Variants in SMARCB1 observed in about 807,000 individuals in gnomAD.
The protein encoded by SMARCB1 is SWI/SNF-related matrix-associated actin-dependent regulator of chromatin subfamily B member 1.
In SMARCB1, 5 loss-of-function variants were observed where a neutral mutation model predicts 49.0. The observed-to-expected ratio is 0.10, with a 90% confidence interval of 0.05 to 0.21. The LOEUF (loss-of-function observed/expected upper bound fraction) is 0.21. Ranked by LOEUF, SMARCB1 falls within the 10% of genes least tolerant of loss-of-function variation. The probability of loss-of-function intolerance (pLI) is 1.00; values close to 1 mark genes in which losing one functional copy is unlikely to be tolerated. For missense variants in SMARCB1, 226 were observed against 509.2 expected, an observed-to-expected ratio of 0.44 and a Z score of 5.35; for synonymous variants, 201 against 200.1, an observed-to-expected ratio of 1.00 and a Z score of -0.04.
chr22:23,794,811 T>C (rs1323049465), intron 3 of SMARCB1, among the ~76,000 whole-genome samples: 1 of 152,062 alleles, frequency 6.6e-6, no homozygotes, highest in African/African-American at 2.4e-5. Context: ...GGCAGGAGAA[T>C]TGCTTGAACC....
At chr22:23,788,890 C>G (rs1215461053) in intron 1 of SMARCB1, among the ~76,000 whole-genome samples, 1 of 150,992 alleles carries the variant, frequency 6.6e-6, no homozygotes, top group Non-Finnish European at 1.5e-5. Context: ...GACTCTATCA[C>G]CCAGGCTGGA....
chr22:23,803,091 G>A, intron 4 of SMARCB1: 2 of 675,250 alleles, frequency 3.0e-6, no homozygotes, highest in South Asian at 1.7e-5. Flanking sequence ...ACTGGTGCTT[G>A]TTATTTATGG....
chr22:23,794,142 C>T (rs1928596172), intron 3 of SMARCB1, among the ~76,000 whole-genome samples: 1 of 152,222 alleles, frequency 6.6e-6, no homozygotes, highest in South Asian at 2.1e-4. Context: ...CGAGTCTCTC[C>T]ATGTTGGTCA....
chr22:23,802,788 C>A (rs1200904371), intron 4 of SMARCB1: 1 of 275,684 alleles, frequency 3.6e-6, no homozygotes, highest in African/African-American at 2.2e-5. Context: ...GGGCAGTGGC[C>A]AGTTTGCATA....
intron 2 of SMARCB1, chr22:23,792,440 C>T (rs1355421275): frequency 2.7e-5 from 7 of 262,512 alleles, no homozygotes; most frequent in African/African-American, 1.1e-4. Flanking sequence ...CTTTGGGTCA[C>T]GGCAGCTCTG....
At chr22:23,818,489 G>T (rs951687442) in intron 6 of SMARCB1, 5 of 152,084 alleles carry the variant, frequency 3.3e-5, no homozygotes, top group Non-Finnish European at 5.9e-5. Flanking sequence ...TTTTAAAATT[G>T]TGGTAACATT....
chr22:23,813,640 C>T (rs1457865082), intron 5 of SMARCB1, among the ~76,000 whole-genome samples: 2 of 152,148 alleles, frequency 1.3e-5, no homozygotes, highest in East Asian at 3.9e-4. Context: ...GAAGGAAGAC[C>T]TAAATAAGTA....
At chr22:23,833,449 C>A in intron 7 of SMARCB1, 123 bp from the exon 8 acceptor site, 3 of 1,356,392 alleles carry the variant, frequency 2.2e-6, no homozygotes, top group Non-Finnish European at 3.1e-6. Flanking sequence ...GTGACTGGAG[C>A]ATCCACTGGG....
At position 23,803,508 on chromosome 22, in the gene SMARCB1, C is replaced by A. The variant is rs992168120; in HGVS notation, c.628+86C>A. The A allele has an allele frequency of 8.6e-6, 13 of 1,515,330 alleles. No homozygotes were observed. The African/African-American group carries it at 1.6e-4, about 19-fold the overall frequency. The allele number at this position is 1,515,330 out of a possible 1,614,324, so 93.9% of individuals were successfully genotyped here. A position where few individuals can be genotyped will look rare whatever the true frequency, so the allele number is the denominator to read the frequency against. ...GTCCCGTTTCCTGCCAGCTGCCTGTCAGGCAGATTCTGGACCTGACACGCA... is the reference window on the plus strand; with the variant it reads ...GTCCCGTTTCCTGCCAGCTGCCTGTAAGGCAGATTCTGGACCTGACACGCA... On this transcript the variant is annotated intron_variant, in intron 5 of 8. Coordinates refer to ENST00000644036, the MANE Select transcript of SMARCB1 (RefSeq NM_003073.5).
Position 23,827,257 on chromosome 22 carries a change from C to T in SMARCB1, c.986+1842C>T, listed in dbSNP as rs578206490. 5.6e-4 allele frequency among the ~76,000 whole-genome samples: 86 copies of T among 152,366 alleles called. 2 individuals are homozygous for T. In the South Asian group the frequency reaches 0.014, roughly 26 times the overall value. ...CCTTCACCTAGTCCTGCAGCCGCTG[C>T]CAGTGCCCACAGTCCAGGGTCAGGA... On this transcript the variant is annotated intron_variant, in intron 7 of 8. Transcript: ENST00000644036.
At chr22:23,787,339 G>A (rs1444090554) in intron 1 of SMARCB1, 77 bp downstream of exon 1, 3 of 878,914 alleles carry the variant, frequency 3.4e-6, no homozygotes, top group African/African-American at 1.8e-5. Flanking sequence ...CGCCGAGAGC[G>A]CGCGTCTCCA....
intron 7 of SMARCB1, among the ~76,000 whole-genome samples, chr22:23,832,703 G>A (rs2030719309): frequency 6.6e-6 from 1 of 152,230 alleles, no homozygotes; most frequent in African/African-American, 2.4e-5. Flanking sequence ...AGGCACACGG[G>A]CCCTGTGGCA....
At chr22:23,824,899 G>GTATCATTAAAAA in intron 6 of SMARCB1, 1 of 449,552 alleles carries the variant, frequency 2.2e-6, no homozygotes, top group South Asian at 2.3e-5. Flanking sequence ...CAGCAGGAGC[G>GTATCATTAAAAA]AAGGGCAGAA....
chr22:23,800,458 C>G (rs976009420), intron 3 of SMARCB1, among the ~76,000 whole-genome samples: 3 of 152,142 alleles, frequency 2.0e-5, no homozygotes, highest in African/African-American at 7.2e-5. Context: ...TCCCAGCCAC[C>G]TGCTGAGTAA....
chr22:23,814,622 G>A (rs374189217), intron 5 of SMARCB1, among the ~76,000 whole-genome samples: 5 of 151,850 alleles, frequency 3.3e-5, no homozygotes, highest in South Asian at 2.1e-4. Context: ...CCGAGATCAC[G>A]CTGTTGCAAT....
At chr22:23,818,920 A>C (rs1452412845) in intron 6 of SMARCB1, among the ~76,000 whole-genome samples, 1 of 151,976 alleles carries the variant, frequency 6.6e-6, no homozygotes, top group Non-Finnish European at 1.5e-5. Context: ...GGCTCACTGC[A>C]ACCTCTGCTT....
intron 4 of SMARCB1, chr22:23,802,954 T>C: frequency 2.5e-6 from 1 of 405,506 alleles, no homozygotes. Flanking sequence ...TTTCCTCTTC[T>C]GGAAATGCCC....
chr22:23,828,546 C>T (rs541310906), intron 7 of SMARCB1, among the ~76,000 whole-genome samples: 1 of 152,000 alleles, frequency 6.6e-6, no homozygotes. Flanking sequence ...CCCAGCTACT[C>T]GGGAGGCTGA....
chr22:23,787,509 C>T (rs1057222582), intron 1 of SMARCB1, among the ~76,000 whole-genome samples: 2 of 152,302 alleles, frequency 1.3e-5, no homozygotes, highest in East Asian at 1.9e-4. Flanking sequence ...TTTGGCGCCG[C>T]GAGGGGCCCC....
Sources: gnomAD v4.1 joint callset for allele counts (sites outside exome capture counted in the v4.1 genomes callset) on GRCh38, gnomAD v4.1.1 for gene constraint, MANE v1.5 for transcripts, NCBI Gene and HGNC (gene_info 2026-07-23, HGNC 2026-07-21) for gene names.